Variants in CSMD1 observed in about 807,000 individuals in gnomAD.
The protein encoded by CSMD1 is CUB and Sushi multiple domains 1, also known as CUB and sushi domain-containing protein 1.
A neutral mutation model predicts 417.5 loss-of-function variants in CSMD1; 213 were observed. That is an observed-to-expected ratio of 0.51 (90% CI 0.46 to 0.57). The LOEUF (loss-of-function observed/expected upper bound fraction) is 0.57, where lower values mean the gene tolerates loss of function less well. CSMD1 is among the 20% of genes least tolerant of loss of function. The pLI, the probability that CSMD1 is intolerant of heterozygous loss-of-function variation, is 0.00. For missense variants in CSMD1, 6,923 were observed against 4,529.7 expected (o/e 1.53, Z -15.17); for synonymous variants, 2,862 against 1,736.8 (o/e 1.65, Z -16.11).
rs144707136 is a variant in CSMD1, at chr8:4,148,511, A to G, written c.416-116412T>C. 4.7e-5 allele frequency among the ~76,000 whole-genome samples: 7 copies of G among 147,528 alleles called. No homozygotes were observed. In the East Asian group the frequency reaches 1.5e-3, roughly 31 times the overall value. ...TGTGCACATGTACCCTAAAACTTAAAGTATAATTAAAAAAAAAAACGCATT... is the reference window on the plus strand; with the variant it reads ...TGTGCACATGTACCCTAAAACTTAAGGTATAATTAAAAAAAAAAACGCATT... On this transcript the variant is annotated intron_variant, in intron 3 of 69. Coordinates refer to ENST00000635120, the MANE Select transcript of CSMD1 (RefSeq NM_033225.6).
At chr8:3,490,703 A>T (rs552052631) in intron 11 of CSMD1, among the ~76,000 whole-genome samples, 59 of 152,256 alleles carry the variant, frequency 3.9e-4, no homozygotes, top group African/African-American at 1.4e-3. Context: ...TGGAGCCAGA[A>T]ACTCTATCTT....
At chr8:3,191,168 GC>G (rs1796399488) in intron 33 of CSMD1, among the ~76,000 whole-genome samples, 1 of 152,138 alleles carries the variant, frequency 6.6e-6, no homozygotes, top group African/African-American at 2.4e-5. Context: ...ATCCTAACAA[GC>G]CCCAGCCGGG....
intron 3 of CSMD1, among the ~76,000 whole-genome samples, chr8:4,284,743 G>C (rs1393811399): frequency 6.6e-6 from 1 of 152,112 alleles, no homozygotes; most frequent in African/African-American, 2.4e-5. Context: ...CCATGTGTCA[G>C]ATGATAGCCT....
chr8:4,643,782 G>T (rs1222167768), intron 1 of CSMD1, among the ~76,000 whole-genome samples: 1 of 152,146 alleles, frequency 6.6e-6, no homozygotes, highest in African/African-American at 2.4e-5. Context: ...CTGCATTATG[G>T]GGAAAATAAT....
At chr8:4,926,682 C>G (rs1463274600) in intron 1 of CSMD1, among the ~76,000 whole-genome samples, 4 of 151,790 alleles carry the variant, frequency 2.6e-5, no homozygotes, top group Non-Finnish European at 5.9e-5. Context: ...CTGGGCTTTT[C>G]TTTTTTTTCG....
intron 12 of CSMD1, among the ~76,000 whole-genome samples, chr8:3,456,794 G>C (rs1279186462): frequency 6.6e-6 from 1 of 152,064 alleles, no homozygotes; most frequent in Non-Finnish European, 1.5e-5. Flanking sequence ...GCCCATTATA[G>C]ATGAGGCTAC....
chr8:3,962,732 G>C (rs186619459), intron 5 of CSMD1, among the ~76,000 whole-genome samples: 2 of 152,162 alleles, frequency 1.3e-5, no homozygotes, highest in South Asian at 2.1e-4. Flanking sequence ...CTTCGGGTTG[G>C]ACTCAAGGCT....
chr8:4,129,977 C>T (rs1012606943), intron 3 of CSMD1, among the ~76,000 whole-genome samples: 1 of 152,004 alleles, frequency 6.6e-6, no homozygotes, highest in Non-Finnish European at 1.5e-5. Context: ...TTCCCAGTTG[C>T]TTTACCCTAT....
At chr8:3,080,746 C>T (rs904266402) in intron 49 of CSMD1, among the ~76,000 whole-genome samples, 11 of 152,078 alleles carry the variant, frequency 7.2e-5, no homozygotes, top group Non-Finnish European at 1.3e-4. Context: ...TTTATTGAAT[C>T]CTCTCAATAA....
chr8:3,527,253 G>C (rs1585307713), intron 10 of CSMD1, among the ~76,000 whole-genome samples: 1 of 152,234 alleles, frequency 6.6e-6, no homozygotes, highest in East Asian at 1.9e-4. Flanking sequence ...ATTGGTACAG[G>C]GCGCTGATAG....
At chr8:4,256,489 T>A (rs1803463589) in intron 3 of CSMD1, among the ~76,000 whole-genome samples, 1 of 151,654 alleles carries the variant, frequency 6.6e-6, no homozygotes, top group Admixed American at 6.6e-5. Flanking sequence ...TAAAGGGAGG[T>A]TCTCAGTGAG....
At chr8:3,814,374 C>G (rs1014038321) in intron 5 of CSMD1, among the ~76,000 whole-genome samples, 4 of 152,196 alleles carry the variant, frequency 2.6e-5, no homozygotes, top group Admixed American at 2.0e-4. Context: ...GGCTTTACCT[C>G]TTATACATTA....
At chr8:3,412,734 A>G (rs1208880461) in intron 12 of CSMD1, among the ~76,000 whole-genome samples, 2 of 152,250 alleles carry the variant, frequency 1.3e-5, no homozygotes, top group African/African-American at 4.8e-5. Flanking sequence ...AAATACATCT[A>G]TAGAGAACAC....
At chr8:3,237,954 T>C (rs1427109103) in intron 26 of CSMD1, among the ~76,000 whole-genome samples, 1 of 148,178 alleles carries the variant, frequency 6.7e-6, no homozygotes, top group Non-Finnish European at 1.5e-5. Flanking sequence ...ATTATATATT[T>C]ATTTTATAAT....
rs182322401 is a variant in CSMD1, at chr8:3,488,157, C to A, written c.1448+5466G>T. Among the ~76,000 whole-genome samples the A allele has an allele frequency of 2.6e-3, 388 of 151,754 alleles. 4 individuals carry two copies. The highest frequency in any genetic ancestry group is 9.0e-3 in the African/African-American group (372 of 41,368). On this transcript the variant is annotated intron_variant, in intron 11 of 69. Coordinates refer to ENST00000635120, the MANE Select transcript of CSMD1 (RefSeq NM_033225.6). ...TTGCTCTGTTGCTCAGGCTGGAGTG[C>A]AGTGGGGTCATCATAGCTCACTGCA...
intron 7 of CSMD1, among the ~76,000 whole-genome samples, chr8:3,630,592 G>C (rs529889772): frequency 3.9e-5 from 6 of 152,216 alleles, no homozygotes; most frequent in Admixed American, 2.6e-4. Context: ...AAGTCATTCA[G>C]ACAGAAGGGT....
At chr8:4,450,166 C>T (rs929809623) in intron 2 of CSMD1, among the ~76,000 whole-genome samples, 3 of 152,066 alleles carry the variant, frequency 2.0e-5, no homozygotes, top group Non-Finnish European at 4.4e-5. Flanking sequence ...GGTTGATATA[C>T]GTAGAGTAAA....
intron 52 of CSMD1, among the ~76,000 whole-genome samples, chr8:3,018,107 T>C (rs79722328): frequency 0.035 from 5,340 of 152,304 alleles, 124 homozygotes; most frequent in African/African-American, 0.07. Flanking sequence ...CTTATGTCAA[T>C]TTGGATGAAT....
rs778958757 is a variant in CSMD1, at chr8:3,663,795, C to A, written c.1009+44619G>T. ...ATATGCTGATTGATGTCTCATGTCT[C>A]CCTAAAATGTGTAAAGCCAAACTAT... On this transcript the variant is annotated intron_variant, in intron 7 of 69. Coordinates refer to ENST00000635120, the MANE Select transcript of CSMD1 (RefSeq NM_033225.6). Among the ~76,000 whole-genome samples the A allele has an allele frequency of 1.2e-4, 18 of 152,116 alleles. 1 individual carries two copies. Among genetic ancestry groups the A allele is most frequent in the Non-Finnish European group, 2.5e-4 (17 of 68,036 alleles).
Sources: allele counts gnomAD v4.1 joint callset (sites outside exome capture counted in the v4.1 genomes callset), GRCh38; gene constraint gnomAD v4.1.1; transcripts MANE v1.5; gene names NCBI Gene and HGNC (gene_info 2026-07-23, HGNC 2026-07-21).